Variants in TMEM63C observed in about 807,000 individuals in gnomAD.
TMEM63C encodes osmosensitive cation channel TMEM63C.
In TMEM63C, 32 loss-of-function variants were observed where a neutral mutation model predicts 99.2. The observed-to-expected ratio is 0.32, with a 90% confidence interval of 0.24 to 0.43. The LOEUF (loss-of-function observed/expected upper bound fraction) is 0.43, where lower values mean the gene tolerates loss of function less well. Ranked by LOEUF, TMEM63C falls within the 20% of genes least tolerant of loss-of-function variation. TMEM63C has a pLI of 1.00. For synonymous variants in TMEM63C, 376 were observed against 397.9 expected (o/e 0.94, Z 0.66); for missense variants, 826 against 1,053.0 (o/e 0.78, Z 2.98).
In TMEM63C at chr14:77,219,535, C is replaced by T. The variant is rs772119752; in HGVS notation, c.188C>T (p.Ala63Val). The T allele has an allele frequency of 4.3e-6, 7 of 1,613,846 alleles. No individual in the cohort carries two copies. The highest frequency in any genetic ancestry group is 2.2e-5 in the East Asian group (1 of 44,894). Residue 63 changes from alanine (A) to valine (V), a missense_variant, in exon 4 of 24, where the codon GCG (alanine) becomes GTG (valine). Ala to Val is a moderately conservative substitution (Grantham distance 64). Coordinates refer to ENST00000298351, the MANE Select transcript of TMEM63C (RefSeq NM_020431.4). ...LVVYSFLRKAAWDYGRLALLI... is the reference protein window; with the variant it reads ...LVVYSFLRKAVWDYGRLALLI... The stretch of plus-strand genomic sequence containing the variant: ...GTTTACTCCTTCCTCCGGAAAGCTG[C>T]GTGGGACTATGGGCGCCTGGCTCTG...
At chr14:77,251,727 C>A in intron 21 of TMEM63C, 62 bp from the exon 22 acceptor site, 1 of 1,378,148 alleles carries the variant, frequency 7.3e-7, no homozygotes, top group Non-Finnish European at 1.0e-6. Flanking sequence ...CTGGCATCTG[C>A]CAGTTGGGGT....
At chr14:77,253,639 G>C (rs954076107) in intron 23 of TMEM63C, among the ~76,000 whole-genome samples, 1 of 152,246 alleles carries the variant, frequency 6.6e-6, no homozygotes, top group Non-Finnish European at 1.5e-5. Context: ...GGAAGTACTT[G>C]GTCAGGGAGG....
chr14:77,228,183 TG>T (rs2140116264), intron 6 of TMEM63C, among the ~76,000 whole-genome samples: 1 of 152,118 alleles, frequency 6.6e-6, no homozygotes, highest in East Asian at 1.9e-4. Flanking sequence ...AAGGTCAGGG[TG>T]GGGCACTTAC....
chr14:77,202,439 T>C (rs565393012), intron 1 of TMEM63C, among the ~76,000 whole-genome samples: 1 of 152,294 alleles, frequency 6.6e-6, no homozygotes, highest in South Asian at 2.1e-4. Context: ...AGTTATTCTC[T>C]TCCAGTCCTG....
intron 6 of TMEM63C, among the ~76,000 whole-genome samples, chr14:77,229,910 T>C (rs575057062): frequency 6.6e-6 from 1 of 151,886 alleles, no homozygotes; most frequent in East Asian, 1.9e-4. Flanking sequence ...CCAAAAAATG[T>C]ACAGCTCGGC....
Position 77,246,745 on chromosome 14 carries a change from G to T in TMEM63C, c.1601+71G>T, listed in dbSNP as rs1594869058. On this transcript the variant is annotated intron_variant, in intron 18 of 23. Transcript: ENST00000298351. ...GGAGTGGTTATATGTGCTCTTCCCT[G>T]AGTCCAGCACCTGAATTTGCTCACA... 2.3e-6 allele frequency: 3 copies of T among 1,306,434 alleles called. No individual in the cohort carries two copies. In the East Asian group the frequency reaches 7.2e-5, roughly 31 times the overall value. 80.9% of individuals were successfully genotyped at this position (1,306,434 alleles called of 1,614,324 possible).
chr14:77,208,109 A>C (rs1047316576), intron 1 of TMEM63C, among the ~76,000 whole-genome samples: 6 of 152,196 alleles, frequency 3.9e-5, no homozygotes, highest in African/African-American at 1.4e-4. Flanking sequence ...TGGTCTTTGT[A>C]CAGGAAACAA....
At chr14:77,212,746 T>C (rs1216819844) in intron 1 of TMEM63C, among the ~76,000 whole-genome samples, 1 of 152,146 alleles carries the variant, frequency 6.6e-6, no homozygotes, top group East Asian at 1.9e-4. Context: ...GTGAGGATCT[T>C]GTCTCCTTTC....
At chr14:77,253,443 A>T in intron 23 of TMEM63C, 67 bp downstream of exon 23, 1 of 1,459,082 alleles carries the variant, frequency 6.9e-7, no homozygotes, top group South Asian at 1.2e-5. Flanking sequence ...CTCTAGTGGC[A>T]TTGTGGGGGA....
At chr14:77,186,801 C>CTGTGTCTG (rs1888005363) in intron 1 of TMEM63C, among the ~76,000 whole-genome samples, 1 of 146,372 alleles carries the variant, frequency 6.8e-6, no homozygotes, top group African/African-American at 2.6e-5. Context: ...GTGTGTGTGT[C>CTGTGTCTG]TGTGTGTGTG....
chr14:77,191,618 C>T (rs1190982355), intron 1 of TMEM63C, among the ~76,000 whole-genome samples: 1 of 139,816 alleles, frequency 7.2e-6, no homozygotes, highest in Admixed American at 8.1e-5. Flanking sequence ...AATCTCGGCT[C>T]ACCACAACCT....
intron 1 of TMEM63C, among the ~76,000 whole-genome samples, chr14:77,204,479 G>C (rs1459016617): frequency 6.6e-6 from 1 of 152,104 alleles, no homozygotes; most frequent in African/African-American, 2.4e-5. Context: ...CATCACGGGG[G>C]CCAAATGAGT....
At chr14:77,225,844 G>T (rs1566624896) in intron 6 of TMEM63C, among the ~76,000 whole-genome samples, 1 of 152,038 alleles carries the variant, frequency 6.6e-6, no homozygotes, top group African/African-American at 2.4e-5. Flanking sequence ...TTCTGCCCAA[G>T]CAAACATCGG....
intron 1 of TMEM63C, among the ~76,000 whole-genome samples, chr14:77,183,778 C>G (rs1186999347): frequency 6.6e-6 from 1 of 152,166 alleles, no homozygotes; most frequent in African/African-American, 2.4e-5. Flanking sequence ...CCAGGAGCTG[C>G]TGGGGTGACC....
intron 1 of TMEM63C, among the ~76,000 whole-genome samples, chr14:77,194,076 AAC>A (rs1888158191): frequency 6.6e-6 from 1 of 152,228 alleles, no homozygotes; most frequent in Admixed American, 6.5e-5. Context: ...AACAAGAAAA[AAC>A]AAAGATGTTG....
At chr14:77,186,813 G>GTGTGTC (rs1555345728) in intron 1 of TMEM63C, among the ~76,000 whole-genome samples, 11 of 90,278 alleles carry the variant, frequency 1.2e-4, no homozygotes, top group Non-Finnish European at 1.9e-4. Flanking sequence ...GTGTGTGTGT[G>GTGTGTC]TGTGTGTCTG....
At position 77,211,476 on chromosome 14, in the gene TMEM63C, T is replaced by TA. The variant is rs558784773; in HGVS notation, c.-76-1966dup. On this transcript the variant is annotated intron_variant, in intron 1 of 23. Coordinates refer to ENST00000298351, the MANE Select transcript of TMEM63C (RefSeq NM_020431.4). Reference sequence around the variant, plus strand: ...TTGCTCTGTAAACGTTAGCTATTAATAAAATTTGTCCCTCCCTGGGCCCTC... The same window carrying TA: ...TTGCTCTGTAAACGTTAGCTATTAATAAAAATTTGTCCCTCCCTGGGCCCTC... Among the ~76,000 whole-genome samples the TA allele has an allele frequency of 1.1e-3, 162 of 152,328 alleles. 2 individuals are homozygous for TA. The highest frequency in any genetic ancestry group is 3.8e-3 in the African/African-American group (158 of 41,568).
At chr14:77,217,147 TAA>T (rs35969189) in intron 2 of TMEM63C, among the ~76,000 whole-genome samples, 33 of 146,826 alleles carry the variant, frequency 2.2e-4, no homozygotes, top group Non-Finnish European at 3.9e-4. Context: ...ATCTCTCTCT[TAA>T]AAAAAAAAAG....
chr14:77,194,557 T>TTCTTTTTG (rs1555346145), intron 1 of TMEM63C, among the ~76,000 whole-genome samples: 1 of 118,568 alleles, frequency 8.4e-6, no homozygotes, highest in Non-Finnish European at 1.7e-5. Context: ...TTCTTTCTCT[T>TTCTTTTTG]TCTTTCTTTC....
Sources: gnomAD v4.1 joint callset for allele counts (sites outside exome capture counted in the v4.1 genomes callset) on GRCh38, gnomAD v4.1.1 for gene constraint, MANE v1.5 for transcripts, NCBI Gene and HGNC (gene_info 2026-07-23, HGNC 2026-07-21) for gene names.